Variants in PCLO observed in about 807,000 individuals in gnomAD.
The protein encoded by PCLO is piccolo presynaptic cytomatrix protein.
PCLO carries 82 observed loss-of-function variants against 427.5 expected under a neutral mutation model. That is an observed-to-expected ratio of 0.19 (90% CI 0.16 to 0.23). The LOEUF is 0.23. Among genes scored for constraint, PCLO ranks in the 10% least tolerant of loss-of-function variants. The pLI is 1.00. For missense variants in PCLO, 6,239 were observed against 6,115.9 expected, an observed-to-expected ratio of 1.02 and a Z score of -0.67; for synonymous variants, 2,357 against 2,155.4, an observed-to-expected ratio of 1.09 and a Z score of -2.59.
At chr7:82,826,541 G>A (rs965476449) in intron 18 of PCLO, 48 bp downstream of exon 18, 76 of 1,219,330 alleles carry the variant, frequency 6.2e-5, no homozygotes, top group Non-Finnish European at 6.3e-5. Flanking sequence ...TGCTTTAATT[G>A]GTGGTTTACC....
Position 83,084,943 on chromosome 7 carries a change from T to G in PCLO, c.3300+49307A>C, listed in dbSNP as rs572315623. 1.8e-4 allele frequency among the ~76,000 whole-genome samples: 27 copies of G among 152,284 alleles called. 1 individual carries two copies. The South Asian group carries it at 5.6e-3, about 32-fold the overall frequency. On this transcript the variant is annotated intron_variant, in intron 3 of 24. Coordinates refer to ENST00000333891, the MANE Select transcript of PCLO (RefSeq NM_033026.6). ...TAAAATGGGATTTGAGAGACCAAAGTAGAAATCTCTCCTTGAATATGACTC... is the reference window on the plus strand; with the variant it reads ...TAAAATGGGATTTGAGAGACCAAAGGAGAAATCTCTCCTTGAATATGACTC...
At position 82,952,716 on chromosome 7, in the gene PCLO, T is replaced by A. The variant is rs766606202; in HGVS notation, c.8237A>T (p.Asp2746Val). 2.5e-6 allele frequency: 4 copies of A among 1,613,814 alleles called. No homozygotes were observed. Among genetic ancestry groups the A allele is most frequent in the Non-Finnish European group, 3.4e-6 (4 of 1,179,776 alleles). The change falls in exon 5 of 25, where the codon GAT (aspartate) becomes GTT (valine). Residue 2746 changes from aspartate to valine, a missense_variant. Coordinates refer to ENST00000333891, the MANE Select transcript of PCLO (RefSeq NM_033026.6). ...CACATCCATTGTAGAAGCAGAAAGATCAATACATTTATCAGTTGTTTTAAC... is the reference window on the plus strand; with the variant it reads ...CACATCCATTGTAGAAGCAGAAAGAACAATACATTTATCAGTTGTTTTAAC... ...VEVKTTDKCI[D>V]LSASTMDVKR...
chr7:82,879,842 G>A (rs1348876722), intron 9 of PCLO: 1 of 454,814 alleles, frequency 2.2e-6, no homozygotes, highest in South Asian at 1.6e-5. Flanking sequence ...GAGCAGTAAT[G>A]ACTATTCCAA....
intron 13 of PCLO, among the ~76,000 whole-genome samples, chr7:82,843,089 G>C (rs1792407829): frequency 6.6e-6 from 1 of 152,092 alleles, no homozygotes; most frequent in Non-Finnish European, 1.5e-5. Flanking sequence ...GTATGTCAGA[G>C]ATACCAACAC....
chr7:83,131,961 A>G lies in PCLO; in HGVS notation c.3300+2289T>C, dbSNP rs562767524. ...TATATGTATATATGTTTATATATGT[A>G]TATGTGTACAAAGGTATATATATGC... is the stretch of plus-strand genomic sequence containing the variant. On this transcript the variant is annotated intron_variant, in intron 3 of 24. Coordinates refer to ENST00000333891, the MANE Select transcript of PCLO (RefSeq NM_033026.6). 1.7e-4 allele frequency among the ~76,000 whole-genome samples: 26 copies of G among 152,312 alleles called. No individual in the cohort carries two copies. The South Asian group carries it at 4.8e-3, about 28-fold the overall frequency.
At position 82,951,000 on chromosome 7, in the gene PCLO, T is replaced by A; in HGVS notation, c.9588A>T (p.Gly3196=). ...TASEVFPEVV[G]DESALLIVPE... is the part of the protein sequence containing the mutation. Reference sequence around the variant, plus strand: ...GGACAATTAAAAGAGCACTTTCATCTCCCACCACTTCAGGAAACACTTCGG... The same window carrying A: ...GGACAATTAAAAGAGCACTTTCATCACCCACCACTTCAGGAAACACTTCGG... Residue 3196 remains glycine, a synonymous_variant, in exon 6 of 25, where the codon GGA becomes GGT. Coordinates refer to ENST00000333891, the MANE Select transcript of PCLO (RefSeq NM_033026.6). 1 of 1,613,822 alleles carries A rather than the reference T, an allele frequency of 6.2e-7. No individual in the cohort carries two copies. Among genetic ancestry groups the A allele is most frequent in the Non-Finnish European group, 8.5e-7 (1 of 1,179,848 alleles).
intron 3 of PCLO, among the ~76,000 whole-genome samples, chr7:83,016,218 G>T (rs1788202731): frequency 6.6e-6 from 1 of 152,054 alleles, no homozygotes; most frequent in East Asian, 1.9e-4. Context: ...ATCAGGAAAT[G>T]TCAAAATAAA....
chr7:82,810,728 T>C (rs1384374663), intron 20 of PCLO, among the ~76,000 whole-genome samples: 1 of 151,700 alleles, frequency 6.6e-6, no homozygotes, highest in Admixed American at 6.6e-5. Flanking sequence ...TAACCTTAAT[T>C]AAATCGGTAG....
intron 22 of PCLO, among the ~76,000 whole-genome samples, chr7:82,793,333 G>A (rs1481669580): frequency 6.6e-6 from 1 of 152,098 alleles, no homozygotes; most frequent in African/African-American, 2.4e-5. Context: ...CGACGCTCAG[G>A]TGAAGATGCA....
Position 82,954,112 on chromosome 7 carries a change from G to A in PCLO, c.6841C>T (p.Pro2281Ser), listed in dbSNP as rs1165625557. 1.2e-6 allele frequency: 2 copies of A among 1,613,790 alleles called. No homozygotes were observed. The highest frequency in any genetic ancestry group is 2.2e-5 in the South Asian group (2 of 91,064). Residue 2281 changes from proline (P) to serine (S), a missense_variant, in exon 5 of 25, where the codon CCT becomes TCT. Transcript: ENST00000333891. ...SSIIESVVPK[P>S]EGPVADTVST... ...ACAGTGTCAGCAACTGGCCCTTCAGGTTTAGGTACTACAGATTCTATGATA... is the reference window on the plus strand; with the variant it reads ...ACAGTGTCAGCAACTGGCCCTTCAGATTTAGGTACTACAGATTCTATGATA...
At chr7:82,760,542 T>C in intron 24 of PCLO, 97 bp downstream of exon 24, 1 of 701,668 alleles carries the variant, frequency 1.4e-6, no homozygotes, top group Non-Finnish European at 2.2e-6. Flanking sequence ...AAATGTCATA[T>C]AGTGTATGAT....
chr7:82,985,097 A>G (rs572953530), intron 3 of PCLO, among the ~76,000 whole-genome samples: 11 of 152,128 alleles, frequency 7.2e-5, no homozygotes, highest in African/African-American at 2.4e-4. Context: ...GAAACTAGAA[A>G]TAGATCCTCA....
chr7:82,819,288 ATGTT>A (rs1019571955), intron 20 of PCLO, among the ~76,000 whole-genome samples: 1 of 152,094 alleles, frequency 6.6e-6, no homozygotes, highest in African/African-American at 2.4e-5. Context: ...ACAAGACTAA[ATGTT>A]TGAGAATATC....
intron 3 of PCLO, among the ~76,000 whole-genome samples, chr7:82,988,921 G>A (rs558174784): frequency 6.6e-6 from 1 of 151,710 alleles, no homozygotes; most frequent in East Asian, 2.0e-4. Context: ...CGCAACCTCT[G>A]CCTCCCGGGT....
intron 3 of PCLO, among the ~76,000 whole-genome samples, chr7:83,095,055 A>C (rs1584015865): frequency 6.6e-6 from 1 of 152,248 alleles, no homozygotes; most frequent in African/African-American, 2.4e-5. Flanking sequence ...AATGCTTCAA[A>C]TGTTTAGTAG....
chr7:83,008,352 A>G (rs1196459390), intron 3 of PCLO, among the ~76,000 whole-genome samples: 2 of 151,758 alleles, frequency 1.3e-5, no homozygotes, highest in African/African-American at 2.4e-5. Flanking sequence ...AGAAAGTCTG[A>G]AAGTTTTAAT....
chr7:82,793,687 T>C (rs953394980), intron 22 of PCLO, among the ~76,000 whole-genome samples: 1 of 152,220 alleles, frequency 6.6e-6, no homozygotes, highest in Non-Finnish European at 1.5e-5. Context: ...TCTCCACATT[T>C]GATATTTGAT....
chr7:82,826,486 TCAGAAACGGC>T, intron 18 of PCLO, 93 bp downstream of exon 18: 1 of 659,096 alleles, frequency 1.5e-6, no homozygotes, highest in Admixed American at 2.9e-5. Flanking sequence ...AAGATTTTTT[TCAGAAACGGC>T]TATCTTATAA....
intron 3 of PCLO, among the ~76,000 whole-genome samples, chr7:82,967,488 T>C (rs1795805982): frequency 6.6e-6 from 1 of 152,112 alleles, no homozygotes. Flanking sequence ...CATTTTCTTA[T>C]ATTGCTGCTC....
Sources: gnomAD v4.1 joint callset for allele counts (sites outside exome capture counted in the v4.1 genomes callset) on GRCh38, gnomAD v4.1.1 for gene constraint, MANE v1.5 for transcripts, NCBI Gene and HGNC (gene_info 2026-07-23, HGNC 2026-07-21) for gene names.